NFATC3: variants seen among roughly 807,000 people sequenced by gnomAD.
The protein encoded by NFATC3 is nuclear factor of activated T cells 3.
Under a neutral mutation model 98.6 loss-of-function variants are expected in NFATC3, and 46 were observed. That is an observed-to-expected ratio of 0.47 (90% CI 0.37 to 0.60). The LOEUF (loss-of-function observed/expected upper bound fraction) is 0.60, where lower values mean the gene tolerates loss of function less well. Among genes scored for constraint, NFATC3 ranks in the 20% least tolerant of loss-of-function variants. The pLI, the probability that NFATC3 is intolerant of heterozygous loss-of-function variation, is 0.00. For synonymous variants in NFATC3, 512 were observed against 472.2 expected, an observed-to-expected ratio of 1.08 and a Z score of -1.09; for missense variants, 1,256 against 1,295.5, an observed-to-expected ratio of 0.97 and a Z score of 0.47.
chr16:68,122,155 A>C lies in NFATC3; in HGVS notation c.272A>C (p.Glu91Ala). 2 of 1,614,122 alleles carry C rather than the reference A, an allele frequency of 1.2e-6. No homozygotes were observed. Among genetic ancestry groups the C allele is most frequent in the Non-Finnish European group, 1.7e-6 (2 of 1,180,014 alleles). Residue 91 changes from glutamate (E) to alanine (A), a missense_variant, in exon 2 of 10, where the codon GAG becomes GCG. Glu to Ala is a moderately radical substitution (Grantham distance 107). This residue lies in a region of NFATC3 where 464 missense variants were observed against 465.7 expected (regional missense o/e 1.00). Transcript: ENST00000346183. ...CACAAAAACTATGAAGGAACTTGTG[A>C]GATTCCTGAATCTAAATATAGCCCA... is the stretch of plus-strand genomic sequence containing the variant. The part of the protein sequence containing the change: ...QSHKNYEGTC[E>A]IPESKYSPLG...
intron 3 of NFATC3, among the ~76,000 whole-genome samples, chr16:68,153,978 A>G (rs2038479149): frequency 6.6e-6 from 1 of 152,076 alleles, no homozygotes; most frequent in Non-Finnish European, 1.5e-5. Flanking sequence ...GTTTAGTGGC[A>G]TAATCATAGC....
At chr16:68,130,816 T>C (rs2037076357) in intron 3 of NFATC3, among the ~76,000 whole-genome samples, 1 of 152,186 alleles carries the variant, frequency 6.6e-6, no homozygotes, top group Non-Finnish European at 1.5e-5. Context: ...AGTTGATTTT[T>C]TTGTATATGA....
intron 9 of NFATC3, among the ~76,000 whole-genome samples, chr16:68,210,238 C>T (rs1189018575): frequency 1.3e-5 from 2 of 149,610 alleles, no homozygotes; most frequent in Non-Finnish European, 3.0e-5. Context: ...GCGGAGCTTG[C>T]AGTGAGCCAA....
rs547578918 is a variant in NFATC3, at chr16:68,212,851, G to A, written c.3107-13499G>A. Among the ~76,000 whole-genome samples, 9 of 141,286 alleles carry A rather than the reference G, an allele frequency of 6.4e-5. No homozygotes were observed. In the South Asian group the frequency reaches 1.6e-3, roughly 25 times the overall value. The allele number at this position is 141,286 out of a possible 152,430, so 92.7% of individuals were successfully genotyped here. A position where few individuals can be genotyped will look rare whatever the true frequency, so the allele number is the denominator to read the frequency against. ...GTTGCCCAGGCTGAAGTGCAGTGGC[G>A]TGATCTTGGCTCACTGCAAGCTCTA... On this transcript the variant is annotated intron_variant, in intron 9 of 9. Transcript: ENST00000346183.
intron 1 of NFATC3, among the ~76,000 whole-genome samples, chr16:68,115,622 A>C (rs1346629640): frequency 6.7e-6 from 1 of 150,344 alleles, no homozygotes; most frequent in Middle Eastern, 3.4e-3. Context: ...ACAGGGTTTC[A>C]CCATGTTGGC....
chr16:68,176,273 G>T (rs1205416935), intron 6 of NFATC3, among the ~76,000 whole-genome samples: 4 of 152,006 alleles, frequency 2.6e-5, no homozygotes, highest in African/African-American at 9.7e-5. Flanking sequence ...ACCGCACCCG[G>T]CTGTAACCCT....
chr16:68,211,510 TTTGTTG>T (rs200230482), intron 9 of NFATC3, among the ~76,000 whole-genome samples: 17,511 of 144,946 alleles, frequency 0.12, 1,166 homozygotes, highest in South Asian at 0.2. Flanking sequence ...GTAAATGTTT[TTTGTTG>T]TTGTTGTTGT....
At chr16:68,192,257 A>ATG (rs201223423) in intron 9 of NFATC3, 15 of 85,902 alleles carry the variant, frequency 1.7e-4, no homozygotes, top group Non-Finnish European at 3.3e-4. Flanking sequence ...ATATATATGT[A>ATG]TGTGTATATA....
At chr16:68,209,868 C>T in intron 9 of NFATC3, 1 of 290,098 alleles carries the variant, frequency 3.4e-6, no homozygotes, top group South Asian at 2.9e-5. Flanking sequence ...CACACACACA[C>T]TCACAGTCAC....
intron 9 of NFATC3, among the ~76,000 whole-genome samples, chr16:68,210,522 T>A (rs2041341302): frequency 6.6e-6 from 1 of 152,060 alleles, no homozygotes; most frequent in Admixed American, 6.5e-5. Flanking sequence ...ATCGAGATGA[T>A]CATGTGGTTT....
chr16:68,219,453 T>G (rs1367921004), intron 9 of NFATC3, among the ~76,000 whole-genome samples: 1 of 152,060 alleles, frequency 6.6e-6, no homozygotes, highest in Non-Finnish European at 1.5e-5. Context: ...TCCCAGCTAC[T>G]TGGGGCAGGG....
chr16:68,120,181 T>G (rs1447011320), intron 1 of NFATC3, among the ~76,000 whole-genome samples: 3 of 149,588 alleles, frequency 2.0e-5, no homozygotes, highest in Admixed American at 6.7e-5. Flanking sequence ...CTTGAAAGGT[T>G]GAGGTGGGAG....
chr16:68,106,748 T>G (rs907683597), intron 1 of NFATC3, among the ~76,000 whole-genome samples: 4 of 151,940 alleles, frequency 2.6e-5, no homozygotes, highest in East Asian at 1.9e-4. Flanking sequence ...TGTTGTTTTT[T>G]TTTTAATTTA....
intron 3 of NFATC3, among the ~76,000 whole-genome samples, chr16:68,135,987 C>T (rs543864323): frequency 8.6e-5 from 13 of 151,774 alleles, no homozygotes; most frequent in African/African-American, 2.2e-4. Context: ...CACTTGAACT[C>T]GGGAGGCAGA....
chr16:68,202,780 C>G (rs1345634187), intron 9 of NFATC3, among the ~76,000 whole-genome samples: 1 of 151,504 alleles, frequency 6.6e-6, no homozygotes, highest in Non-Finnish European at 1.5e-5. Flanking sequence ...CCATTGCACT[C>G]CAGCCTGGGC....
intron 1 of NFATC3, among the ~76,000 whole-genome samples, chr16:68,102,771 ACT>A (rs1228163191): frequency 6.6e-6 from 1 of 151,974 alleles, no homozygotes; most frequent in African/African-American, 2.4e-5. Flanking sequence ...GCACCATCAA[ACT>A]CTTTTCTACA....
At chr16:68,196,377 T>C (rs1279933424) in intron 9 of NFATC3, among the ~76,000 whole-genome samples, 1 of 152,164 alleles carries the variant, frequency 6.6e-6, no homozygotes, top group Non-Finnish European at 1.5e-5. Flanking sequence ...TGCCTCAGCC[T>C]CCCAAAGTGC....
At chr16:68,101,895 G>T (rs2035385909) in intron 1 of NFATC3, among the ~76,000 whole-genome samples, 1 of 152,080 alleles carries the variant, frequency 6.6e-6, no homozygotes, top group African/African-American at 2.4e-5. Flanking sequence ...AACTAATCTG[G>T]ATTAGTGGAT....
chr16:68,200,266 G>A (rs1406102809), intron 9 of NFATC3: 1 of 151,804 alleles, frequency 6.6e-6, no homozygotes, highest in Non-Finnish European at 1.5e-5. Context: ...AGCTTGTTGT[G>A]GGTTAAGACT....
Sources: gnomAD v4.1 joint callset for allele counts (sites outside exome capture counted in the v4.1 genomes callset) on GRCh38, gnomAD v4.1.1 for gene constraint, gnomAD v4.1.1 regional missense constraint, MANE v1.5 for transcripts, NCBI Gene and HGNC (gene_info 2026-07-23, HGNC 2026-07-21) for gene names.